Variants in ERICH3 observed in about 807,000 individuals in gnomAD.
The protein encoded by ERICH3 is glutamate-rich protein 3.
ERICH3 carries 126 observed loss-of-function variants against 131.1 expected under a neutral mutation model. The observed-to-expected ratio is 0.96, with a 90% CI of 0.83 to 1.11. ERICH3 has a LOEUF of 1.11. ERICH3 is among the 50% of genes most tolerant of loss of function. The pLI, the probability that ERICH3 is intolerant of heterozygous loss-of-function variation, is 0.00. For missense variants in ERICH3, 2,050 were observed against 1,810.7 expected, an observed-to-expected ratio of 1.13 and a Z score of -2.40; for synonymous variants, 695 against 644.6, an observed-to-expected ratio of 1.08 and a Z score of -1.18.
At position 74,571,968 on chromosome 1, in the gene ERICH3, G is replaced by GA; in HGVS notation, c.3741dup (p.His1248SerfsTer12). On this transcript the variant is annotated frameshift_variant, in exon 14 of 15. Coordinates refer to ENST00000326665, the MANE Select transcript of ERICH3 (RefSeq NM_001002912.5). LOFTEE classifies it high-confidence loss of function. ...CCCTCCAGTCCTGCGCAGGAGTCGT[G>GA]ATCTTTGGCTGCTAGCTCCTCTGCC... 6.2e-7 allele frequency: 1 copy of GA among 1,613,942 alleles called. No individual in the cohort carries two copies. The highest frequency in any genetic ancestry group is 8.5e-7 in the Non-Finnish European group (1 of 1,180,032).
At chr1:74,619,976 C>G (rs1268359549) in intron 8 of ERICH3, among the ~76,000 whole-genome samples, 1 of 152,084 alleles carries the variant, frequency 6.6e-6, no homozygotes, top group Non-Finnish European at 1.5e-5. Flanking sequence ...GTAAAAATTC[C>G]ATGTTTGTCC....
At chr1:74,619,937 A>G (rs1352195431) in intron 8 of ERICH3, among the ~76,000 whole-genome samples, 1 of 152,178 alleles carries the variant, frequency 6.6e-6, no homozygotes, top group East Asian at 1.9e-4. Flanking sequence ...ACTGTCTTCA[A>G]TTAATGAGGG....
At chr1:74,579,834 G>A in intron 12 of ERICH3, 1 of 984,956 alleles carries the variant, frequency 1.0e-6, no homozygotes, top group Non-Finnish European at 1.2e-6. Flanking sequence ...GACCACTGGA[G>A]GCAAAGGTGA....
intron 9 of ERICH3, among the ~76,000 whole-genome samples, chr1:74,612,305 A>G (rs1648734338): frequency 6.6e-6 from 1 of 152,204 alleles, no homozygotes; most frequent in Non-Finnish European, 1.5e-5. Flanking sequence ...AAACAAAAAC[A>G]ACAAGCAAAC....
chr1:74,620,429 T>C (rs1457309717), intron 8 of ERICH3, among the ~76,000 whole-genome samples: 1 of 152,222 alleles, frequency 6.6e-6, no homozygotes, highest in Non-Finnish European at 1.5e-5. Context: ...AATAGTTAAC[T>C]TGGAATTTCG....
chr1:74,610,146 T>G (rs546550517), intron 9 of ERICH3, among the ~76,000 whole-genome samples: 2 of 151,882 alleles, frequency 1.3e-5, no homozygotes, highest in Non-Finnish European at 2.9e-5. Flanking sequence ...TGAGTTGGAA[T>G]AGGAAGGCAG....
intron 1 of ERICH3, among the ~76,000 whole-genome samples, chr1:74,667,571 C>T (rs1017858014): frequency 1.3e-5 from 2 of 152,140 alleles, no homozygotes; most frequent in Admixed American, 6.6e-5. Flanking sequence ...TTAAAAATCT[C>T]AAAAATAATT....
Position 74,602,695 on chromosome 1 carries a change from T to A in ERICH3, c.1490-2764A>T, listed in dbSNP as rs115059089. Among the ~76,000 whole-genome samples the A allele has an allele frequency of 7.3e-3, 1,108 of 152,026 alleles. 12 individuals carry two copies. The highest frequency in any genetic ancestry group is 0.025 in the African/African-American group (1,039 of 41,516). On this transcript the variant is annotated intron_variant, in intron 10 of 14. Transcript: ENST00000326665. ...AAGAAAGAATTCAGGAAAAGCTTTA[T>A]CATAGGTATCATGAGTATAAAGTAC...
chr1:74,668,559 G>C (rs537054886), intron 1 of ERICH3, among the ~76,000 whole-genome samples: 10 of 152,270 alleles, frequency 6.6e-5, no homozygotes, highest in African/African-American at 2.4e-4. Flanking sequence ...TGATCACTAT[G>C]TGATTTTTGG....
chr1:74,644,910 G>T (rs915036948), intron 3 of ERICH3, among the ~76,000 whole-genome samples: 3 of 151,996 alleles, frequency 2.0e-5, no homozygotes, highest in African/African-American at 7.2e-5. Flanking sequence ...GCTCTCCAGA[G>T]ACTGGGTACC....
chr1:74,611,651 A>G (rs761385795), intron 9 of ERICH3, among the ~76,000 whole-genome samples: 22 of 152,172 alleles, frequency 1.4e-4, no homozygotes, highest in Non-Finnish European at 2.5e-4. Flanking sequence ...TGTGCTGGCC[A>G]AGCTACCTTA....
chr1:74,589,832 T>A lies in ERICH3; in HGVS notation c.1975A>T (p.Met659Leu), dbSNP rs372458490. The A allele has an allele frequency of 6.2e-7, 1 of 1,614,128 alleles. No homozygotes were observed. The highest frequency in any genetic ancestry group is 8.5e-7 in the Non-Finnish European group (1 of 1,179,980). ...TTCTCAAAGCTTTCGTCTATTGGCATCGGCTTGGTCTCCACATCTGCTTTT... is the reference window on the plus strand; with the variant it reads ...TTCTCAAAGCTTTCGTCTATTGGCAACGGCTTGGTCTCCACATCTGCTTTT... The part of the protein sequence containing the change: ...ITKADVETKP[M>L]PIDESFENVL... The change falls in exon 12 of 15, where the codon ATG becomes TTG. Residue 659 changes from methionine (M) to leucine (L), a missense_variant. Met to Leu is a conservative substitution (Grantham distance 15). Transcript: ENST00000326665.
intron 10 of ERICH3, among the ~76,000 whole-genome samples, chr1:74,605,869 C>T (rs1481511475): frequency 6.6e-6 from 1 of 151,806 alleles, no homozygotes; most frequent in East Asian, 1.9e-4. Flanking sequence ...TGCTGATAGA[C>T]TTTGGTGCAG....
chr1:74,631,827 AG>A lies in ERICH3; in HGVS notation c.704del (p.Pro235LeufsTer33). On this transcript the variant is annotated frameshift_variant, in exon 7 of 15. Transcript: ENST00000326665. LOFTEE classifies it high-confidence loss of function. ...PNINSYMMPI[P>X]PPLPPTGKIT... The stretch of plus-strand genomic sequence containing the variant: ...TTTTCCCAGTTGGGGGAAGTGGAGG[AG>A]GAATAGGCATCATGTAACTGTTAAT... 6.2e-7 allele frequency: 1 copy of A among 1,613,356 alleles called. No individual in the cohort carries two copies. Among genetic ancestry groups the A allele is most frequent in the Non-Finnish European group, 8.5e-7 (1 of 1,179,480 alleles).
intron 11 of ERICH3, among the ~76,000 whole-genome samples, chr1:74,591,074 G>A (rs565954297): frequency 7.2e-5 from 11 of 152,192 alleles, no homozygotes; most frequent in African/African-American, 2.2e-4. Context: ...CTTGGTATAT[G>A]GACACAGTAA....
chr1:74,627,924 T>A (rs749600627), intron 7 of ERICH3, among the ~76,000 whole-genome samples: 2 of 152,180 alleles, frequency 1.3e-5, no homozygotes, highest in Non-Finnish European at 2.9e-5. Context: ...AGTTAAGATT[T>A]ATGAAAACTT....
intron 11 of ERICH3, among the ~76,000 whole-genome samples, chr1:74,597,842 T>C (rs887480651): frequency 2.0e-5 from 3 of 152,066 alleles, no homozygotes; most frequent in Admixed American, 2.0e-4. Context: ...TATTTTAAAA[T>C]TCACGTGGAA....
At chr1:74,607,635 T>C (rs1256417891) in intron 9 of ERICH3, among the ~76,000 whole-genome samples, 1 of 151,992 alleles carries the variant, frequency 6.6e-6, no homozygotes, top group Non-Finnish European at 1.5e-5. Flanking sequence ...AAGTTCTTAT[T>C]CCTCAAAAAT....
At chr1:74,587,193 C>A (rs142832698) in intron 12 of ERICH3, among the ~76,000 whole-genome samples, 1 of 151,402 alleles carries the variant, frequency 6.6e-6, no homozygotes, top group African/African-American at 2.4e-5. Context: ...GGCGTGGTGG[C>A]GAGCACCTGT....
Sources: allele counts gnomAD v4.1 joint callset (sites outside exome capture counted in the v4.1 genomes callset), GRCh38; gene constraint gnomAD v4.1.1; transcripts MANE v1.5; gene names NCBI Gene and HGNC (gene_info 2026-07-23, HGNC 2026-07-21).